Variants in MGAT4C observed in about 807,000 individuals in gnomAD.
MGAT4C encodes the protein MGAT4 family member C.
Under a neutral mutation model 40.1 loss-of-function variants are expected in MGAT4C, and 19 were observed. That is an observed-to-expected ratio of 0.47 (90% CI 0.33 to 0.70). MGAT4C has a LOEUF of 0.70. MGAT4C is among the 30% of genes least tolerant of loss of function. The pLI, the probability that MGAT4C is intolerant of heterozygous loss-of-function variation, is 0.02. For synonymous variants in MGAT4C, 181 were observed against 187.1 expected (o/e 0.97, Z 0.27); for missense variants, 491 against 563.2 (o/e 0.87, Z 1.30).
chr12:86,757,436 G>A (rs1951324580), intron 1 of MGAT4C, among the ~76,000 whole-genome samples: 1 of 152,016 alleles, frequency 6.6e-6, no homozygotes, highest in Admixed American at 6.6e-5. Flanking sequence ...GCATTAAATA[G>A]CCTATGTTTT....
At chr12:86,834,061 T>G (rs979726298) in intron 1 of MGAT4C, among the ~76,000 whole-genome samples, 2 of 151,866 alleles carry the variant, frequency 1.3e-5, no homozygotes, top group Non-Finnish European at 2.9e-5. Flanking sequence ...CAGATTTTCT[T>G]TATCCATTCA....
intron 2 of MGAT4C, among the ~76,000 whole-genome samples, chr12:85,994,539 G>A (rs1218295704): frequency 6.6e-6 from 1 of 151,768 alleles, no homozygotes; most frequent in Non-Finnish European, 1.5e-5. Flanking sequence ...AGCTAATAAA[G>A]CCATTCACAC....
intron 1 of MGAT4C, among the ~76,000 whole-genome samples, chr12:86,806,393 A>G (rs948112713): frequency 6.6e-6 from 1 of 151,898 alleles, no homozygotes; most frequent in Non-Finnish European, 1.5e-5. Context: ...TGTACAATTC[A>G]TGGATCTTAC....
chr12:86,089,435 T>C (rs1872490725), intron 1 of MGAT4C, among the ~76,000 whole-genome samples: 2 of 151,874 alleles, frequency 1.3e-5, no homozygotes, highest in South Asian at 4.1e-4. Flanking sequence ...CAGTTATAGA[T>C]TGAGCTTGTT....
chr12:86,147,120 T>A (rs1883624995), intron 1 of MGAT4C, among the ~76,000 whole-genome samples: 2 of 152,336 alleles, frequency 1.3e-5, no homozygotes, highest in South Asian at 4.1e-4. Flanking sequence ...TTTTTATTTA[T>A]TTGTTTTCAA....
Position 85,960,017 on chromosome 12 carries a change from T to C in MGAT4C, c.*19272A>G, listed in dbSNP as rs1883026244. ...TTGTGAAGATCTGTGCAAATAGCTA[T>C]ATAAAATGCAATTCGGTATTAAAGA... On this transcript the variant is annotated 3_prime_UTR_variant, in exon 5 of 5. Transcript: ENST00000611864. 1 of 152,006 alleles carries C rather than the reference T, an allele frequency of 6.6e-6. No individual in the cohort carries two copies. Among genetic ancestry groups the C allele is most frequent in the African/African-American group, 2.4e-5 (1 of 41,436 alleles). 9.4% of individuals were successfully genotyped at this position (152,006 alleles called of 1,614,324 possible). A position where few individuals can be genotyped will look rare whatever the true frequency, so the allele number is the denominator to read the frequency against.
chr12:86,375,805 A>G lies in MGAT4C; in HGVS notation c.-119-41678T>C, dbSNP rs534842997. ...ACTAACAATGAGAACAATGAATATC[A>G]AAATCTTTGGAATGTGTTTCACTAG... On this transcript the variant is annotated intron_variant, in intron 3 of 7. Transcript: ENST00000548651. Among the ~76,000 whole-genome samples the G allele has an allele frequency of 1.4e-3, 212 of 152,268 alleles. 1 individual carries two copies. Among genetic ancestry groups the G allele is most frequent in the African/African-American group, 5.0e-3 (206 of 41,576 alleles).
chr12:86,655,779 C>A (rs1565907256), intron 2 of MGAT4C, among the ~76,000 whole-genome samples: 1 of 152,070 alleles, frequency 6.6e-6, no homozygotes, highest in Non-Finnish European at 1.5e-5. Flanking sequence ...CGTTTCAAAT[C>A]CTGTCTGTCA....
intron 4 of MGAT4C, among the ~76,000 whole-genome samples, chr12:86,290,800 G>A (rs1953491289): frequency 6.6e-6 from 1 of 151,956 alleles, no homozygotes; most frequent in Non-Finnish European, 1.5e-5. Context: ...GACCAAAGCT[G>A]ACTCAGTTTA....
rs1957855627 is a variant in MGAT4C at position 86,477,427 on chromosome 12, AG to A, written c.-228-42163del. On this transcript the variant is annotated intron_variant, in intron 2 of 7. Coordinates refer to the MGAT4C transcript ENST00000548651. ...GGACTACTAGAGGAGGAAGAGAGAA[AG>A]GGGGAACAAGTGTTGAAAAGCTACC... Among the ~76,000 whole-genome samples the A allele has an allele frequency of 2.0e-5, 3 of 151,984 alleles. No individual in the cohort carries two copies. The South Asian group carries it at 6.2e-4, about 32-fold the overall frequency.
intron 1 of MGAT4C, among the ~76,000 whole-genome samples, chr12:86,212,175 A>G (rs956854008): frequency 4.6e-5 from 7 of 152,164 alleles, no homozygotes; most frequent in Non-Finnish European, 8.8e-5. Flanking sequence ...CCACTAATCC[A>G]TTCTTTTCAA....
In MGAT4C at chr12:86,095,100, T is replaced by A. The variant is rs1010774842; in HGVS notation, c.-56-45377A>T. ...GAACAATACATTTTCTAGATTTACA[T>A]ACTGATATAAATGATGTATGTTTAA... On this transcript the variant is annotated intron_variant, in intron 1 of 4. Coordinates refer to ENST00000611864, the MANE Select transcript of MGAT4C (RefSeq NM_001351288.2). Among the ~76,000 whole-genome samples the A allele has an allele frequency of 1.3e-4, 20 of 152,256 alleles. No homozygotes were observed. The East Asian group carries it at 3.7e-3, about 28-fold the overall frequency.
intron 1 of MGAT4C, among the ~76,000 whole-genome samples, chr12:86,218,661 T>A (rs1417505076): frequency 6.6e-6 from 1 of 152,102 alleles, no homozygotes; most frequent in East Asian, 1.9e-4. Context: ...ATAAAACAAC[T>A]GAATGTTTTC....
intron 2 of MGAT4C, among the ~76,000 whole-genome samples, chr12:86,716,631 T>G (rs1393485404): frequency 1.3e-5 from 2 of 152,110 alleles, no homozygotes; most frequent in Non-Finnish European, 2.9e-5. Context: ...GTCATTGCAC[T>G]ATACAAAATT....
At chr12:86,260,448 G>T (rs1952635514), upstream of MGAT4C, among the ~76,000 whole-genome samples, 1 of 152,148 alleles carries the variant, frequency 6.6e-6, no homozygotes, top group African/African-American at 2.4e-5. Flanking sequence ...GAAATAGCCA[G>T]AAGCCTACTA....
intron 2 of MGAT4C, among the ~76,000 whole-genome samples, chr12:86,702,919 G>T (rs911654179): frequency 1.3e-5 from 2 of 152,172 alleles, no homozygotes; most frequent in Admixed American, 6.6e-5. Flanking sequence ...CTTCTAGAAA[G>T]AATTCATTTT....
intron 4 of MGAT4C, among the ~76,000 whole-genome samples, chr12:86,300,927 G>A (rs975576446): frequency 6.6e-6 from 1 of 152,108 alleles, no homozygotes; most frequent in South Asian, 2.1e-4. Context: ...CTAAGAACAA[G>A]TAAATCAATT....
At chr12:86,321,687 C>T (rs147961619) in intron 4 of MGAT4C, among the ~76,000 whole-genome samples, 3 of 152,182 alleles carry the variant, frequency 2.0e-5, no homozygotes, top group African/African-American at 7.2e-5. Context: ...CATCTCACAC[C>T]AGTTAGAATG....
intron 1 of MGAT4C, among the ~76,000 whole-genome samples, chr12:86,768,469 T>A (rs1467160983): frequency 6.6e-6 from 1 of 151,812 alleles, no homozygotes; most frequent in Admixed American, 6.6e-5. Flanking sequence ...TTCAATGCCA[T>A]CCCCATCAAG....
Sources: allele counts gnomAD v4.1 joint callset (sites outside exome capture counted in the v4.1 genomes callset), GRCh38; gene constraint gnomAD v4.1.1; transcripts MANE v1.5; gene names NCBI Gene and HGNC (gene_info 2026-07-23, HGNC 2026-07-21).